Variants in ABTB3 observed in about 807,000 individuals in gnomAD.
ABTB3 encodes the protein ankyrin repeat and BTB domain containing 3.
the ABTB3 span, chr12:107,610,202 C>T: frequency 6.2e-7 from 1 of 1,614,204 alleles, no homozygotes. Flanking sequence ...CCGACGACTG[C>T]TTTTGTGCAT....
chr12:107,538,006 G>C, the ABTB3 span, among the ~76,000 whole-genome samples: 2 of 152,102 alleles, frequency 1.3e-5, no homozygotes, highest in Admixed American at 6.5e-5. Context: ...GAAGTCTCCA[G>C]GCCTTTCCAA....
At chr12:107,418,280 A>G in the ABTB3 span, among the ~76,000 whole-genome samples, 1 of 152,202 alleles carries the variant, frequency 6.6e-6, no homozygotes. Context: ...CTGCCCTTGA[A>G]TATCAGACTC....
chr12:107,654,813 T>TACACACACACACAC, the ABTB3 span, among the ~76,000 whole-genome samples: 4 of 95,992 alleles, frequency 4.2e-5, no homozygotes, highest in African/African-American at 1.1e-4. Flanking sequence ...GTCTACATTG[T>TACACACACACACAC]ATACACACAC....
the ABTB3 span, among the ~76,000 whole-genome samples, chr12:107,391,944 C>T: frequency 6.6e-6 from 1 of 152,202 alleles, no homozygotes; most frequent in African/African-American, 2.4e-5. Flanking sequence ...AAAGGGTGCT[C>T]AGTTTCTGGA....
chr12:107,326,304 G>A, the ABTB3 span, among the ~76,000 whole-genome samples: 1 of 152,210 alleles, frequency 6.6e-6, no homozygotes, highest in Non-Finnish European at 1.5e-5. Flanking sequence ...GAGGAGTGGG[G>A]TTGGAGGAGG....
At chr12:107,413,480 C>G in the ABTB3 span, among the ~76,000 whole-genome samples, 1 of 151,956 alleles carries the variant, frequency 6.6e-6, no homozygotes, top group South Asian at 2.1e-4. Context: ...TCTAGTCCTG[C>G]CAGATTGAAA....
the ABTB3 span, among the ~76,000 whole-genome samples, chr12:107,336,335 C>T: frequency 6.6e-6 from 1 of 152,198 alleles, no homozygotes; most frequent in Non-Finnish European, 1.5e-5. Context: ...CTTACCCACT[C>T]AATCGTCTAA....
the ABTB3 span, among the ~76,000 whole-genome samples, chr12:107,503,793 A>G: frequency 6.6e-6 from 1 of 150,732 alleles, no homozygotes; most frequent in Non-Finnish European, 1.5e-5. Context: ...AGAAGAAGAA[A>G]GAGAAAAAGA....
chr12:107,565,096 C>G, the ABTB3 span, among the ~76,000 whole-genome samples: 31 of 152,192 alleles, frequency 2.0e-4, no homozygotes, highest in African/African-American at 7.5e-4. Context: ...TATAGCAAGA[C>G]CGAGAGAGGC....
the ABTB3 span, among the ~76,000 whole-genome samples, chr12:107,417,466 G>A: frequency 6.6e-6 from 1 of 152,142 alleles, no homozygotes; most frequent in African/African-American, 2.4e-5. Context: ...TAATTCTCCT[G>A]AGTAATCCAG....
chr12:107,468,658 G>A, the ABTB3 span, among the ~76,000 whole-genome samples: 1 of 152,164 alleles, frequency 6.6e-6, no homozygotes, highest in Admixed American at 6.5e-5. Context: ...TAGTCCACAA[G>A]TATTTATTGA....
chr12:107,355,734 A>G, the ABTB3 span, among the ~76,000 whole-genome samples: 1 of 152,194 alleles, frequency 6.6e-6, no homozygotes, highest in African/African-American at 2.4e-5. Context: ...TAGGTGGTTA[A>G]ATCATTTGTT....
the ABTB3 span, among the ~76,000 whole-genome samples, chr12:107,414,702 C>CTTTCT: frequency 3.3e-5 from 5 of 151,086 alleles, no homozygotes; most frequent in East Asian, 2.0e-4. Context: ...CCATCCCCCC[C>CTTTCT]TTTCTTTTCT....
chr12:107,654,900 C>A, the ABTB3 span, among the ~76,000 whole-genome samples: 67 of 150,570 alleles, frequency 4.4e-4, no homozygotes, highest in Non-Finnish European at 5.9e-4. Context: ...AATCTGGTTT[C>A]TCAGGACACA....
At chr12:107,375,464 C>CATCATCATCATCATCATA in the ABTB3 span, among the ~76,000 whole-genome samples, 3 of 128,300 alleles carry the variant, frequency 2.3e-5, no homozygotes, top group Middle Eastern at 3.8e-3. Context: ...TCATCATCAT[C>CATCATCATCATCATCATA]ATAAATAAAA....
chr12:107,414,550 C>A, the ABTB3 span, among the ~76,000 whole-genome samples: 1 of 151,984 alleles, frequency 6.6e-6, no homozygotes. Context: ...CTTTAATTTC[C>A]TTCTTAAACG....
chr12:107,504,462 T>C, the ABTB3 span, among the ~76,000 whole-genome samples: 1 of 152,226 alleles, frequency 6.6e-6, no homozygotes. Context: ...TTCTAGTGAA[T>C]AGTTCCTCAC....
the ABTB3 span, among the ~76,000 whole-genome samples, chr12:107,547,504 T>C: frequency 6.6e-6 from 1 of 152,182 alleles, no homozygotes; most frequent in Non-Finnish European, 1.5e-5. Context: ...CCAAACCTTC[T>C]GGGACAAGTT....
At chr12:107,456,917 T>C in the ABTB3 span, among the ~76,000 whole-genome samples, 1 of 152,150 alleles carries the variant, frequency 6.6e-6, no homozygotes, top group African/African-American at 2.4e-5. Flanking sequence ...TGGAGTGCAG[T>C]GGTGTGATCT....
Sources: gnomAD v4.1 joint callset for allele counts (sites outside exome capture counted in the v4.1 genomes callset) on GRCh38, gnomAD v4.1.1 for gene constraint, MANE v1.5 for transcripts, NCBI Gene and HGNC (gene_info 2026-07-23, HGNC 2026-07-21) for gene names.